Variants in ADGRL3 observed in about 807,000 individuals in gnomAD.
The protein encoded by ADGRL3 is adhesion G protein-coupled receptor L3.
In ADGRL3, 62 loss-of-function variants were observed where a neutral mutation model predicts 153.5. The ratio of observed to expected loss-of-function variants is 0.40; its 90% CI spans 0.33 to 0.50. ADGRL3 has a LOEUF of 0.50. Ranked by LOEUF, ADGRL3 falls within the 20% of genes least tolerant of loss-of-function variation. The pLI, the probability that ADGRL3 is intolerant of heterozygous loss-of-function variation, is 0.47. For synonymous variants in ADGRL3, 710 were observed against 672.5 expected (o/e 1.06, Z -0.86); for missense variants, 1,641 against 1,859.4 (o/e 0.88, Z 2.16).
intron 2 of ADGRL3, among the ~76,000 whole-genome samples, chr4:61,457,995 T>C (rs1012979932): frequency 6.6e-5 from 10 of 151,792 alleles, no homozygotes; most frequent in South Asian, 2.1e-4. Flanking sequence ...TTCAGTCTTA[T>C]TGGAGATATT....
At chr4:61,483,071 A>G (rs1200224432) in intron 2 of ADGRL3, among the ~76,000 whole-genome samples, 10 of 152,166 alleles carry the variant, frequency 6.6e-5, no homozygotes, top group Non-Finnish European at 1.2e-4. Flanking sequence ...TAAGTGAGAT[A>G]TGTTTGTCCA....
intron 5 of ADGRL3, among the ~76,000 whole-genome samples, chr4:61,674,719 G>T (rs1049592575): frequency 2.6e-5 from 4 of 151,820 alleles, no homozygotes; most frequent in African/African-American, 9.7e-5. Flanking sequence ...TTAAAAACTT[G>T]ACATGGATTT....
At chr4:61,451,965 C>T (rs901387330) in intron 2 of ADGRL3, among the ~76,000 whole-genome samples, 1 of 152,162 alleles carries the variant, frequency 6.6e-6, no homozygotes, top group African/African-American at 2.4e-5. Context: ...TTTTGCATCA[C>T]TTTATTTTCA....
Position 61,231,731 on chromosome 4 carries a change from G to A in ADGRL3, c.-240+29966G>A, listed in dbSNP as rs1472565276. On this transcript the variant is annotated intron_variant, in intron 1 of 26. Transcript: ENST00000683033. ...CCATAAATAAATAAGACGTCGAGGGGTGGTATCAATGTTCTTCATTTTATC... is the reference window on the plus strand; with the variant it reads ...CCATAAATAAATAAGACGTCGAGGGATGGTATCAATGTTCTTCATTTTATC... Among the ~76,000 whole-genome samples, 7 of 152,092 alleles carry A rather than the reference G, an allele frequency of 4.6e-5. No homozygotes were observed. In the East Asian group the frequency reaches 9.7e-4, roughly 21 times the overall value.
rs193236300 is a variant in ADGRL3 at position 61,788,619 on chromosome 4, A to C, written c.1400-25190A>C. Among the ~76,000 whole-genome samples the C allele has an allele frequency of 1.0e-3, 157 of 152,294 alleles. 3 individuals are homozygous for C. Among genetic ancestry groups the C allele is most frequent in the Non-Finnish European group, 9.4e-4 (64 of 68,012 alleles). ...GAAAAACAATTCTGGTAATTTAACA[A>C]AACAAGTTTCTTTAACACCCCCAAA... is the stretch of plus-strand genomic sequence containing the variant. On this transcript the variant is annotated intron_variant, in intron 8 of 26. Transcript: ENST00000683033.
intron 1 of ADGRL3, among the ~76,000 whole-genome samples, chr4:61,277,888 T>A (rs764894703): frequency 6.6e-6 from 1 of 152,184 alleles, no homozygotes; most frequent in Non-Finnish European, 1.5e-5. Flanking sequence ...AGTGGCCACT[T>A]AACTGGCATA....
At chr4:61,946,185 A>G (rs2098922784) in intron 15 of ADGRL3, among the ~76,000 whole-genome samples, 1 of 152,140 alleles carries the variant, frequency 6.6e-6, no homozygotes, top group South Asian at 2.1e-4. Flanking sequence ...TACCACCAGA[A>G]GCGTACGAGA....
intron 2 of ADGRL3, among the ~76,000 whole-genome samples, chr4:61,472,446 C>G (rs2097970961): frequency 6.6e-6 from 1 of 152,078 alleles, no homozygotes; most frequent in Non-Finnish European, 1.5e-5. Flanking sequence ...CAAGCTTATT[C>G]ATGCAGGCCT....
At position 61,909,661 on chromosome 4, in the gene ADGRL3, G is replaced by A; in HGVS notation, c.1989G>A (p.Met663Ile). 6.2e-7 allele frequency: 1 copy of A among 1,610,234 alleles called. No individual in the cohort carries two copies. The highest frequency in any genetic ancestry group is 8.5e-7 in the Non-Finnish European group (1 of 1,178,192). ...ACATCACCTACTCTGTCCGGGCCAT[G>A]GACCAGCTGGTAGGCCTCCTAGATG... ...AGDITYSVRA[M>I]DQLVGLLDVQ... The change falls in exon 12 of 27, where the codon ATG becomes ATA. Residue 663 changes from methionine (M) to isoleucine (I), a missense_variant. Met to Ile is a conservative substitution (Grantham distance 10). Transcript: ENST00000683033.
At chr4:61,463,539 C>T (rs1248926570) in intron 2 of ADGRL3, among the ~76,000 whole-genome samples, 3 of 152,156 alleles carry the variant, frequency 2.0e-5, no homozygotes, top group Non-Finnish European at 4.4e-5. Context: ...CCTCCCCCAA[C>T]ACTGAGAATT....
At chr4:61,789,402 T>G (rs1253240266) in intron 8 of ADGRL3, among the ~76,000 whole-genome samples, 1 of 152,182 alleles carries the variant, frequency 6.6e-6, no homozygotes, top group East Asian at 1.9e-4. Flanking sequence ...ACAGGCCAAT[T>G]AATCACCAAG....
chr4:61,465,634 C>A (rs913525693), intron 2 of ADGRL3, among the ~76,000 whole-genome samples: 2 of 150,656 alleles, frequency 1.3e-5, no homozygotes, highest in African/African-American at 4.9e-5. Context: ...ATATTTCTGA[C>A]TGCTAAATGA....
intron 5 of ADGRL3, among the ~76,000 whole-genome samples, chr4:61,613,092 A>G (rs978969097): frequency 5.9e-5 from 9 of 152,098 alleles, no homozygotes; most frequent in African/African-American, 2.2e-4. Context: ...TTAAGTAATC[A>G]TATCTTGTGC....
At chr4:62,031,633 A>G (rs1379954879) in intron 23 of ADGRL3, 23 bp downstream of exon 23, 1 of 1,546,068 alleles carries the variant, frequency 6.5e-7, no homozygotes, top group Non-Finnish European at 8.9e-7. Context: ...TCTTTTTTTA[A>G]AATAAAAATG....
At chr4:61,920,680 GTTT>G (rs2098764646) in intron 13 of ADGRL3, among the ~76,000 whole-genome samples, 1 of 152,140 alleles carries the variant, frequency 6.6e-6, no homozygotes, top group South Asian at 2.1e-4. Context: ...TAGCACATGG[GTTT>G]CCATCCCCAA....
intron 8 of ADGRL3, among the ~76,000 whole-genome samples, chr4:61,755,812 G>T (rs1023846445): frequency 2.6e-5 from 4 of 151,954 alleles, no homozygotes; most frequent in African/African-American, 7.3e-5. Context: ...TGTAAAGAAG[G>T]GATCCAGTTT....
At chr4:61,333,818 G>A (rs1267784347) in intron 1 of ADGRL3, among the ~76,000 whole-genome samples, 3 of 151,438 alleles carry the variant, frequency 2.0e-5, no homozygotes, top group African/African-American at 7.3e-5. Context: ...GGCTCACTAT[G>A]TTGCCCAGGC....
chr4:62,022,920 G>A (rs1320500755), intron 21 of ADGRL3, among the ~76,000 whole-genome samples: 2 of 152,102 alleles, frequency 1.3e-5, no homozygotes, highest in Non-Finnish European at 2.9e-5. Context: ...CCATTCTGCA[G>A]CCCATGGATC....
At chr4:61,220,997 T>C (rs1158982793) in intron 1 of ADGRL3, among the ~76,000 whole-genome samples, 1 of 152,186 alleles carries the variant, frequency 6.6e-6, no homozygotes, top group Non-Finnish European at 1.5e-5. Flanking sequence ...CCAATGCACA[T>C]TTTCCCCTGA....
Sources: allele counts gnomAD v4.1 joint callset (sites outside exome capture counted in the v4.1 genomes callset), GRCh38; gene constraint gnomAD v4.1.1; transcripts MANE v1.5; gene names NCBI Gene and HGNC (gene_info 2026-07-23, HGNC 2026-07-21).